Variants in UBXN6 observed in about 807,000 individuals in gnomAD.
The protein encoded by UBXN6 is UBX domain protein 6.
In UBXN6, 44 loss-of-function variants were observed where a neutral mutation model predicts 51.4. That is an observed-to-expected ratio of 0.86 (90% CI 0.67 to 1.10). The LOEUF (loss-of-function observed/expected upper bound fraction) is 1.10, where lower values mean the gene tolerates loss of function less well. Ranked by LOEUF, UBXN6 falls within the 50% of genes least tolerant of loss-of-function variation. The pLI, the probability that UBXN6 is intolerant of heterozygous loss-of-function variation, is 0.00. For missense variants in UBXN6, 672 were observed against 596.1 expected (o/e 1.13, Z -1.32); for synonymous variants, 316 against 263.2 (o/e 1.20, Z -1.94).
At chr19:4,448,516 G>A (rs1265330594) in intron 4 of UBXN6, 101 bp from the exon 5 acceptor site, 22 of 927,530 alleles carry the variant, frequency 2.4e-5, no homozygotes, top group South Asian at 1.2e-4. Context: ...GCAGAACAGC[G>A]GCTTGGAGCG....
At chr19:4,457,591 C>G in intron 1 of UBXN6, 24 bp downstream of exon 1, 4 of 1,584,514 alleles carry the variant, frequency 2.5e-6, no homozygotes, top group Non-Finnish European at 3.4e-6. Context: ...CGCAGGGCCT[C>G]AAGCCCCTGC....
chr19:4,445,404 T>A lies in UBXN6; in HGVS notation c.*94A>T. On this transcript the variant is annotated 3_prime_UTR_variant, in exon 11 of 11. Transcript: ENST00000301281. ...TGCCCATGGGGCAGAGCCAAGTATT[T>A]CCAGAGGTGGCTTGGAGGCCCTGGG... The A allele has an allele frequency of 1.3e-6, 2 of 1,574,214 alleles. No individual in the cohort carries two copies. The highest frequency in any genetic ancestry group is 2.3e-5 in the East Asian group (1 of 44,390).
Position 4,448,487 on chromosome 19 carries a change from CAG to C in UBXN6, c.442-74_442-73del, listed in dbSNP as rs60087438. 3,878 of 1,269,262 alleles carry C rather than the reference CAG, an allele frequency of 3.1e-3. 13 individuals carry two copies. Among genetic ancestry groups the C allele is most frequent in the African/African-American group, 0.01 (705 of 67,648 alleles). 78.6% of individuals were successfully genotyped at this position (1,269,262 alleles called of 1,614,324 possible). The stretch of plus-strand genomic sequence containing the variant: ...GCACGGCCCTCCGCTGCCCAGGTAA[CAG>C]GGGCAGGAAAAGGAAGGCAGAACAG... On this transcript the variant is annotated intron_variant, in intron 4 of 10. Transcript: ENST00000301281.
intron 1 of UBXN6, chr19:4,455,311 T>G: frequency 2.0e-6 from 2 of 985,462 alleles, no homozygotes; most frequent in Non-Finnish European, 2.4e-6. Context: ...TGGCTCTGCT[T>G]ACATACCCGG....
At chr19:4,452,728 G>A (rs945917219) in intron 3 of UBXN6, among the ~76,000 whole-genome samples, 2 of 152,170 alleles carry the variant, frequency 1.3e-5, no homozygotes, top group African/African-American at 4.8e-5. Flanking sequence ...GGTAAGGAAC[G>A]GAAAGTACGG....
At chr19:4,456,093 G>A (rs1010007232) in intron 1 of UBXN6, among the ~76,000 whole-genome samples, 3 of 150,024 alleles carry the variant, frequency 2.0e-5, no homozygotes, top group Admixed American at 1.3e-4. Context: ...AGGGACCTCC[G>A]CACCGCTTCC....
chr19:4,451,592 T>C (rs543600287), intron 4 of UBXN6, among the ~76,000 whole-genome samples: 8 of 152,224 alleles, frequency 5.3e-5, no homozygotes, highest in African/African-American at 1.7e-4. Flanking sequence ...TGAGAACCTA[T>C]TGATGGTGTT....
At chr19:4,446,807 C>T in intron 7 of UBXN6, 29 bp downstream of exon 7, 1 of 1,613,918 alleles carries the variant, frequency 6.2e-7, no homozygotes, top group Non-Finnish European at 8.5e-7. Flanking sequence ...CGTCCCCATT[C>T]CCTACTCAGC....
chr19:4,452,338 G>T (rs370706235), intron 4 of UBXN6, 26 bp downstream of exon 4: 2 of 1,609,604 alleles, frequency 1.2e-6, no homozygotes, highest in African/African-American at 2.7e-5. Flanking sequence ...ACAGGTTGGG[G>T]CAGGAGCACA....
At position 4,446,290 on chromosome 19, in the gene UBXN6, G is replaced by C. The variant is rs779379763; in HGVS notation, c.1044C>G (p.Leu348=). The C allele has an allele frequency of 5.8e-5, 92 of 1,572,774 alleles. No homozygotes were observed. The highest frequency in any genetic ancestry group is 1.2e-4 in the African/African-American group (9 of 74,360). ...LLRVRLPDGC[L]LQGTFYARER... ...GGCATCGTTGGTGCCCACCCTGCAG[G>C]AGGCAGCCATCGGGGAGGCGCACGC... Residue 348 remains leucine (L), a synonymous_variant, in exon 9 of 11, where the codon CTC becomes CTG. Coordinates refer to ENST00000301281, the MANE Select transcript of UBXN6 (RefSeq NM_025241.3).
chr19:4,446,529 T>G lies in UBXN6; in HGVS notation c.891A>C (p.Ala297=), dbSNP rs1974528250. The G allele has an allele frequency of 5.0e-6, 8 of 1,611,680 alleles. No homozygotes were observed. The highest frequency in any genetic ancestry group is 6.8e-6 in the Non-Finnish European group (8 of 1,179,834). Residue 297 remains alanine, a synonymous_variant, in exon 8 of 11, where the codon GCA becomes GCC. Coordinates refer to ENST00000301281, the MANE Select transcript of UBXN6 (RefSeq NM_025241.3). ...GCCTCTGCTCCCGCTTGATCTCCTC[T>G]GCTGTGAGGTTGAAGAAGTCCCCAG... ...ELPGDFFNLT[A]EEIKREQRLR...
intron 5 of UBXN6, 117 bp downstream of exon 5, chr19:4,448,201 T>C: frequency 5.3e-6 from 5 of 949,726 alleles, no homozygotes; most frequent in Non-Finnish European, 6.4e-6. Flanking sequence ...CGGCCTATGC[T>C]CCTTCCCAAC....
In UBXN6 at chr19:4,446,539, T is replaced by C. The variant is rs532929768; in HGVS notation, c.881A>G (p.Asn294Ser). The C allele has an allele frequency of 2.1e-5, 34 of 1,612,048 alleles. No homozygotes were observed. The East Asian group carries it at 3.3e-4, about 16-fold the overall frequency. The change falls in exon 8 of 11, where the codon AAC (asparagine) becomes AGC (serine). Residue 294 changes from asparagine to serine, a missense_variant. Coordinates refer to ENST00000301281, the MANE Select transcript of UBXN6 (RefSeq NM_025241.3). Reference protein sequence around the residue: ...SQFELPGDFFNLTAEEIKREQ... With the variant: ...SQFELPGDFFSLTAEEIKREQ... ...CCGCTTGATCTCCTCTGCTGTGAGGTTGAAGAAGTCCCCAGGCAGTTCGAA... is the reference window on the plus strand; with the variant it reads ...CCGCTTGATCTCCTCTGCTGTGAGGCTGAAGAAGTCCCCAGGCAGTTCGAA...
At chr19:4,450,926 C>G (rs1231568358) in intron 4 of UBXN6, 1 of 152,050 alleles carries the variant, frequency 6.6e-6, no homozygotes, top group African/African-American at 2.4e-5. Flanking sequence ...TTTCACCTAC[C>G]AACAGGCGTA....
intron 10 of UBXN6, 118 bp from the exon 11 acceptor site, chr19:4,445,741 GAGGCTGTGGCTCGCACCC>G: frequency 2.0e-6 from 3 of 1,499,212 alleles, no homozygotes; most frequent in Non-Finnish European, 2.7e-6. Context: ...TCAGCTGGTG[GAGGCTGTGGCTCGCACCC>G]AGGCCTCCTG....
Position 4,457,738 on chromosome 19 carries a change from G to T in UBXN6, c.-41C>A. ...GGCGGCGGGGGGCCGCGGGGGCGGG[G>T]GGGCACGGGGCCCAGTCGGGGACGG... On this transcript the variant is annotated 5_prime_UTR_variant, in exon 1 of 11. Coordinates refer to ENST00000301281, the MANE Select transcript of UBXN6 (RefSeq NM_025241.3). The T allele has an allele frequency of 7.2e-7, 1 of 1,386,922 alleles. No homozygotes were observed. Among genetic ancestry groups the T allele is most frequent in the South Asian group, 1.3e-5 (1 of 76,252 alleles). The allele number at this position is 1,386,922 out of a possible 1,614,324, so 85.9% of individuals were successfully genotyped here.
chr19:4,447,586 C>T lies in UBXN6; in HGVS notation c.579G>A (p.Lys193=). ...TGTTCTGCAGCTTGATCTTCCGGTA[C>T]TTCTCCTCCTCGGGGTGCAGGTGGA... ...DNIHLHPEEE[K]YRKIKLQNKV... is the part of the protein sequence containing the mutation. The change falls in exon 6 of 11, where the codon AAG becomes AAA. Residue 193 remains lysine (K), a synonymous_variant. Coordinates refer to ENST00000301281, the MANE Select transcript of UBXN6 (RefSeq NM_025241.3). The T allele has an allele frequency of 1.2e-6, 2 of 1,613,924 alleles. No homozygotes were observed. Among genetic ancestry groups the T allele is most frequent in the Non-Finnish European group, 1.7e-6 (2 of 1,179,872 alleles).
At chr19:4,457,345 C>A (rs1568194511) in intron 1 of UBXN6, among the ~76,000 whole-genome samples, 1 of 135,728 alleles carries the variant, frequency 7.4e-6, no homozygotes, top group South Asian at 2.6e-4. Context: ...CCGCCCCCTG[C>A]GCTAGTTCCC....
chr19:4,445,920 A>C, intron 10 of UBXN6, 129 bp downstream of exon 10: 16 of 1,434,468 alleles, frequency 1.1e-5, no homozygotes, highest in African/African-American at 1.4e-5. Flanking sequence ...AGCAGGATTC[A>C]AACCCAGGGA....
Sources: allele counts gnomAD v4.1 joint callset (sites outside exome capture counted in the v4.1 genomes callset), GRCh38; gene constraint gnomAD v4.1.1; transcripts MANE v1.5; gene names NCBI Gene and HGNC (gene_info 2026-07-23, HGNC 2026-07-21).